Variants in AKAP19 observed in about 807,000 individuals in gnomAD.
AKAP19 encodes small A-kinase anchoring protein.
the AKAP19 span, among the ~76,000 whole-genome samples, chr2:190,008,017 A>C: frequency 6.6e-6 from 1 of 152,200 alleles, no homozygotes; most frequent in African/African-American, 2.4e-5. Flanking sequence ...TTTAAGAATA[A>C]GAAAGTCTTA....
the AKAP19 span, among the ~76,000 whole-genome samples, chr2:190,128,998 A>G: frequency 2.6e-5 from 4 of 152,210 alleles, no homozygotes; most frequent in Non-Finnish European, 5.9e-5. Flanking sequence ...ACGTAAGCAT[A>G]TATGTGTATA....
At chr2:190,111,298 G>A in the AKAP19 span, among the ~76,000 whole-genome samples, 5,150 of 152,066 alleles carry the variant, frequency 0.034, 283 homozygotes, top group African/African-American at 0.12. Flanking sequence ...TTTCCACCCC[G>A]GAAATGAAAT....
chr2:190,106,024 AAAG>A, the AKAP19 span, among the ~76,000 whole-genome samples: 1 of 152,266 alleles, frequency 6.6e-6, no homozygotes. Flanking sequence ...AAGTAAGAAA[AAAG>A]AAGTTAATTG....
the AKAP19 span, among the ~76,000 whole-genome samples, chr2:190,043,669 A>G: frequency 1.3e-5 from 2 of 152,052 alleles, no homozygotes; most frequent in South Asian, 2.1e-4. Context: ...TTTCCTATCC[A>G]TGTTCTGAAT....
At chr2:189,935,514 G>T in the AKAP19 span, among the ~76,000 whole-genome samples, 1 of 151,798 alleles carries the variant, frequency 6.6e-6, no homozygotes, top group Non-Finnish European at 1.5e-5. Context: ...TAAAATAATA[G>T]GTACATAAAT....
At chr2:189,981,558 T>G in the AKAP19 span, among the ~76,000 whole-genome samples, 3 of 152,226 alleles carry the variant, frequency 2.0e-5, no homozygotes, top group Non-Finnish European at 4.4e-5. Flanking sequence ...TGTTTGCTAG[T>G]TGCTTTGTGG....
the AKAP19 span, among the ~76,000 whole-genome samples, chr2:190,063,179 C>T: frequency 4.6e-5 from 7 of 151,570 alleles, no homozygotes. Flanking sequence ...ATTTTTAGTG[C>T]CAAGTAATTA....
At chr2:190,161,356 C>T in the AKAP19 span, among the ~76,000 whole-genome samples, 1 of 152,242 alleles carries the variant, frequency 6.6e-6, no homozygotes, top group East Asian at 1.9e-4. Context: ...TTTTAAAAGG[C>T]ATTTCTTTAC....
the AKAP19 span, among the ~76,000 whole-genome samples, chr2:189,986,147 A>G: frequency 6.6e-6 from 1 of 152,122 alleles, no homozygotes; most frequent in Non-Finnish European, 1.5e-5. Flanking sequence ...TTCTTGGGCA[A>G]ATGGCCACCA....
chr2:189,925,264 T>C, the AKAP19 span, among the ~76,000 whole-genome samples: 2 of 152,218 alleles, frequency 1.3e-5, no homozygotes, highest in Non-Finnish European at 2.9e-5. Context: ...CTCACAGGAA[T>C]GTAATCCTCG....
chr2:189,917,234 A>C, the AKAP19 span: 2 of 1,141,118 alleles, frequency 1.8e-6, no homozygotes, highest in South Asian at 3.1e-5. Flanking sequence ...CTGTCCTTTC[A>C]TCAAGCTTTT....
the AKAP19 span, among the ~76,000 whole-genome samples, chr2:189,961,805 G>A: frequency 5.9e-5 from 9 of 151,878 alleles, no homozygotes; most frequent in East Asian, 3.9e-4. Flanking sequence ...CCAGCTACTC[G>A]GGAGGCTGAG....
the AKAP19 span, among the ~76,000 whole-genome samples, chr2:190,187,433 T>C: frequency 6.7e-6 from 1 of 150,118 alleles, no homozygotes; most frequent in Admixed American, 6.6e-5. Flanking sequence ...TTTTGCTGGT[T>C]TTGTGTTTGG....
chr2:190,062,658 C>A, the AKAP19 span: 36 of 1,557,064 alleles, frequency 2.3e-5, no homozygotes, highest in Middle Eastern at 4.4e-4. Context: ...TTTTCTTTTG[C>A]TTTTGAGTAA....
chr2:189,886,543 A>C, the AKAP19 span, among the ~76,000 whole-genome samples: 1 of 152,240 alleles, frequency 6.6e-6, no homozygotes, highest in Non-Finnish European at 1.5e-5. Context: ...TTTTGGTCTT[A>C]AGTGAGAAAA....
the AKAP19 span, chr2:190,060,296 C>T: frequency 6.2e-7 from 1 of 1,613,100 alleles, no homozygotes; most frequent in Non-Finnish European, 8.5e-7. Flanking sequence ...TCAGGATTTG[C>T]ACAAACACTG....
At chr2:190,139,441 T>G in the AKAP19 span, among the ~76,000 whole-genome samples, 1 of 152,188 alleles carries the variant, frequency 6.6e-6, no homozygotes, top group African/African-American at 2.4e-5. Context: ...TAGTCCATTC[T>G]CACACTGCTG....
chr2:190,151,978 G>A, the AKAP19 span, among the ~76,000 whole-genome samples: 3 of 149,958 alleles, frequency 2.0e-5, no homozygotes, highest in Non-Finnish European at 4.4e-5. Context: ...ACTCCAGAGC[G>A]AGACTCTGTC....
At chr2:190,085,876 C>T in the AKAP19 span, among the ~76,000 whole-genome samples, 107,049 of 152,070 alleles carry the variant, frequency 0.7, 38,855 homozygotes, top group East Asian at 0.84. Flanking sequence ...ATTATGAGCA[C>T]GAAGGCCATG....
Sources: gnomAD v4.1 joint callset for allele counts (sites outside exome capture counted in the v4.1 genomes callset) on GRCh38, gnomAD v4.1.1 for gene constraint, MANE v1.5 for transcripts, NCBI Gene and HGNC (gene_info 2026-07-23, HGNC 2026-07-21) for gene names.